The following SAMD15 variants were observed in gnomAD, a reference collection of about 807,000 sequenced individuals.
SAMD15 encodes the protein sterile alpha motif domain containing 15, also known as sterile alpha motif domain-containing protein 15.
In SAMD15, 37 loss-of-function variants were observed where a neutral mutation model predicts 50.5. The ratio of observed to expected loss-of-function variants is 0.73; its 90% CI spans 0.56 to 0.96. SAMD15 has a LOEUF of 0.96. Ranked by LOEUF, SAMD15 falls within the 40% of genes least tolerant of loss-of-function variation. SAMD15 has a pLI of 0.00. For synonymous variants in SAMD15, 255 were observed against 282.8 expected, an observed-to-expected ratio of 0.90 and a Z score of 0.99; for missense variants, 789 against 783.8, an observed-to-expected ratio of 1.01 and a Z score of -0.08.
Position 77,378,235 on chromosome 14 carries a change from A to G in SAMD15, c.817A>G (p.Ser273Gly). ...TCTGGAGAAGGAACCAAGAAAGTCT[A>G]GTGAGGAGGCAGGTCTAGAGCCTCC... ...EFLEKEPRKS[S>G]EEAGLEPPEE... Residue 273 changes from serine to glycine, a missense_variant, in exon 1 of 3, where the codon AGT (serine) becomes GGT (glycine). This residue lies in a region of SAMD15 where 770 missense variants were observed against 745.4 expected (regional missense o/e 1.03). Transcript: ENST00000216471. 6.2e-7 allele frequency: 1 copy of G among 1,614,030 alleles called. No individual in the cohort carries two copies. The highest frequency in any genetic ancestry group is 8.5e-7 in the Non-Finnish European group (1 of 1,179,980).
In SAMD15 at chr14:77,377,908, C is replaced by A. The variant is rs1194128077; in HGVS notation, c.490C>A (p.Pro164Thr). The change falls in exon 1 of 3, where the codon CCA becomes ACA. Residue 164 changes from proline to threonine, a missense_variant. By Grantham distance (38) the Pro-to-Thr change is conservative. Transcript: ENST00000216471. ...GGAAACAGATCCAGATCCAGTGCCA[C>A]CAACGGAAACCATGTCTGAGGTTTC... ...AMETDPDPVP[P>T]TETMSEVSGA... 6.2e-7 allele frequency: 1 copy of A among 1,613,996 alleles called. No individual in the cohort carries two copies. Among genetic ancestry groups the A allele is most frequent in the African/African-American group, 1.3e-5 (1 of 74,990 alleles).
Position 77,383,235 on chromosome 14 carries a change from G to A in SAMD15, c.1788+2754G>A, listed in dbSNP as rs545660631. On this transcript the variant is annotated intron_variant, in intron 2 of 2. Coordinates refer to ENST00000216471, the MANE Select transcript of SAMD15 (RefSeq NM_001010860.4). Reference sequence around the variant, plus strand: ...TGACTTTCTTAATAAACTTGCTTTCGCTTAAAAAAATAATAATAATAAGGA... The same window carrying A: ...TGACTTTCTTAATAAACTTGCTTTCACTTAAAAAAATAATAATAATAAGGA... 3.8e-4 allele frequency among the ~76,000 whole-genome samples: 58 copies of A among 152,040 alleles called. 2 individuals carry two copies. The South Asian group carries it at 9.5e-3, about 25-fold the overall frequency.
At position 77,378,274 on chromosome 14, in the gene SAMD15, C is replaced by T; in HGVS notation, c.856C>T (p.Pro286Ser). Residue 286 changes from proline to serine, a missense_variant, in exon 1 of 3, where the codon CCA (proline) becomes TCA (serine). Physicochemically the swap from Pro to Ser is moderately conservative, Grantham distance 74. Around this residue, in one of 2 missense-constraint regions of SAMD15, gnomAD observed 770 missense variants for 745.4 expected, o/e 1.03. Transcript: ENST00000216471. ...AGLEPPEETQ[P>S]EVPEEMQRKA... ...TCTAGAGCCTCCAGAAGAGACTCAA[C>T]CAGAGGTTCCAGAGGAGATGCAAAG... is the stretch of plus-strand genomic sequence containing the variant. The T allele has an allele frequency of 6.2e-7, 1 of 1,612,296 alleles. No homozygotes were observed. The highest frequency in any genetic ancestry group is 8.5e-7 in the Non-Finnish European group (1 of 1,179,646).
intron 2 of SAMD15, among the ~76,000 whole-genome samples, chr14:77,389,709 G>A (rs1020665029): frequency 6.6e-6 from 1 of 151,468 alleles, no homozygotes; most frequent in East Asian, 2.0e-4. Context: ...CCATGTTAGC[G>A]AGGATGGTCT....
At position 77,378,263 on chromosome 14, in the gene SAMD15, A is replaced by G; in HGVS notation, c.845A>G (p.Glu282Gly). 1 of 1,613,768 alleles carries G rather than the reference A, an allele frequency of 6.2e-7. No homozygotes were observed. The highest frequency in any genetic ancestry group is 8.5e-7 in the Non-Finnish European group (1 of 1,179,958). ...GAGGAGGCAGGTCTAGAGCCTCCAG[A>G]AGAGACTCAACCAGAGGTTCCAGAG... Reference protein sequence around the residue: ...SSEEAGLEPPEETQPEVPEEM... With the variant: ...SSEEAGLEPPGETQPEVPEEM... The change falls in exon 1 of 3, where the codon GAA becomes GGA. Residue 282 changes from glutamate (E) to glycine (G), a missense_variant. Glu to Gly is a moderately conservative substitution (Grantham distance 98). Transcript: ENST00000216471.
intron 2 of SAMD15, among the ~76,000 whole-genome samples, chr14:77,382,389 C>T (rs1402596288): frequency 6.6e-6 from 1 of 152,170 alleles, no homozygotes; most frequent in Non-Finnish European, 1.5e-5. Flanking sequence ...TCTCAAAATG[C>T]TGGGACTACA....
Position 77,391,985 on chromosome 14 carries a change from CAG to C in SAMD15, c.*744_*745del, listed in dbSNP as rs1246562645. Reference sequence around the variant, plus strand: ...AGAAGAATCATTTGAACCCAGGAAACAGAGGTTATAGTGAGCTGAGATGGTGC... The same window carrying C: ...AGAAGAATCATTTGAACCCAGGAAACAGGTTATAGTGAGCTGAGATGGTGC... On this transcript the variant is annotated 3_prime_UTR_variant, in exon 3 of 3. Coordinates refer to ENST00000216471, the MANE Select transcript of SAMD15 (RefSeq NM_001010860.4). Among the ~76,000 whole-genome samples the C allele has an allele frequency of 6.6e-6, 1 of 152,090 alleles. No homozygotes were observed. The highest frequency in any genetic ancestry group is 2.4e-5 in the African/African-American group (1 of 41,426).
chr14:77,377,614 G>C lies in SAMD15; in HGVS notation c.196G>C (p.Glu66Gln), dbSNP rs1893859425. ...QPETEEEDFK[E>Q]GEPDSAKNVQ... ...AGAGACCGAGGAAGAGGACTTCAAAGAGGGGGAGCCAGACAGTGCTAAGAA... is the reference window on the plus strand; with the variant it reads ...AGAGACCGAGGAAGAGGACTTCAAACAGGGGGAGCCAGACAGTGCTAAGAA... The change falls in exon 1 of 3, where the codon GAG becomes CAG. Residue 66 changes from glutamate to glutamine, a missense_variant. Around this residue, in one of 2 missense-constraint regions of SAMD15, gnomAD observed 770 missense variants for 745.4 expected, o/e 1.03. Coordinates refer to ENST00000216471, the MANE Select transcript of SAMD15 (RefSeq NM_001010860.4). The C allele has an allele frequency of 6.2e-7, 1 of 1,614,188 alleles. No individual in the cohort carries two copies. Among genetic ancestry groups the C allele is most frequent in the South Asian group, 1.1e-5 (1 of 91,082 alleles).
At chr14:77,380,606 T>C (rs1893933309) in intron 2 of SAMD15, 125 bp downstream of exon 2, 2 of 640,964 alleles carry the variant, frequency 3.1e-6, no homozygotes, top group Non-Finnish European at 5.6e-6. Context: ...TAATTCCAGT[T>C]CCTCAGGCTC....
intron 2 of SAMD15, among the ~76,000 whole-genome samples, chr14:77,383,976 T>TA (rs1893975966): frequency 2.7e-5 from 1 of 37,478 alleles, no homozygotes; most frequent in Non-Finnish European, 4.0e-5. Context: ...AGACTCAGTC[T>TA]CAAAAAAAAA....
chr14:77,391,317 T>G lies in SAMD15; in HGVS notation c.*73T>G. 3 of 1,022,020 alleles carry G rather than the reference T, an allele frequency of 2.9e-6. No homozygotes were observed. Among genetic ancestry groups the G allele is most frequent in the Non-Finnish European group, 4.4e-6 (3 of 683,324 alleles). 63.3% of individuals were successfully genotyped at this position (1,022,020 alleles called of 1,614,324 possible). A position where few individuals can be genotyped will look rare whatever the true frequency, so the allele number is the denominator to read the frequency against. ...GGGAAGAGGTATGGTCTTTTTTGGT[T>G]TTCTTTTTCTCCTTTTTTTTTTTTT... On this transcript the variant is annotated 3_prime_UTR_variant, in exon 3 of 3. Coordinates refer to ENST00000216471, the MANE Select transcript of SAMD15 (RefSeq NM_001010860.4).
chr14:77,378,571 C>T lies in SAMD15; in HGVS notation c.1153C>T (p.Gln385Ter). ...PPEETGPVLPQEINPQVEEKT... is the reference protein window; with the variant it reads ...PPEETGPVLP The stretch of plus-strand genomic sequence containing the variant: ...AGAGGAGACTGGTCCAGTGCTACCA[C>T]AGGAGATCAACCCACAAGTTGAAGA... Residue 385 changes from glutamine (Q) to a stop codon, truncating the protein, a stop_gained, in exon 1 of 3, where the codon CAG (glutamine) becomes TAG (stop). Transcript: ENST00000216471. LOFTEE classifies it high-confidence loss of function. 1 of 1,613,466 alleles carries T rather than the reference C, an allele frequency of 6.2e-7. No individual in the cohort carries two copies. The highest frequency in any genetic ancestry group is 1.7e-5 in the Admixed American group (1 of 59,836).
chr14:77,379,116 A>C lies in SAMD15; in HGVS notation c.1689+9A>C. The C allele has an allele frequency of 6.2e-7, 1 of 1,605,508 alleles. No individual in the cohort carries two copies. Among genetic ancestry groups the C allele is most frequent in the Non-Finnish European group, 8.5e-7 (1 of 1,176,144 alleles). ...GCTTCCCTCAATACAAGGTATACAA[A>C]AATAAGATGTTTTGAAATCACATGC... On this transcript the variant is annotated intron_variant, in intron 1 of 2. Transcript: ENST00000216471.
rs1185018667 is a variant in SAMD15 at position 77,391,070 on chromosome 14, C to T, written c.1851C>T (p.Ile617=). ...AAGAGCCATTATTCAAACGCTCCATCAGCCTTCCCTATAGGGATATTATCG... is the reference window on the plus strand; with the variant it reads ...AAGAGCCATTATTCAAACGCTCCATTAGCCTTCCCTATAGGGATATTATCG... ...EIEEPLFKRS[I]SLPYRDIIGL... The change falls in exon 3 of 3, where the codon ATC becomes ATT. Residue 617 remains isoleucine (I), a synonymous_variant. Transcript: ENST00000216471. 1.2e-6 allele frequency: 2 copies of T among 1,614,092 alleles called. No individual in the cohort carries two copies. The highest frequency in any genetic ancestry group is 1.7e-6 in the Non-Finnish European group (2 of 1,179,970).
chr14:77,379,191 T>C, intron 1 of SAMD15, 84 bp downstream of exon 1: 1 of 1,281,398 alleles, frequency 7.8e-7, no homozygotes, highest in South Asian at 1.4e-5. Flanking sequence ...AGCTCTTACC[T>C]CTTTACCGGA....
Position 77,386,257 on chromosome 14 carries a change from C to G in SAMD15, c.1789-4751C>G, listed in dbSNP as rs151236605. On this transcript the variant is annotated intron_variant, in intron 2 of 2. Coordinates refer to ENST00000216471, the MANE Select transcript of SAMD15 (RefSeq NM_001010860.4). ...ATGCATGCACTCATGTATCCACCAC[C>G]AAAGAACCATACAGAACAATTCTGT... 8.8e-3 allele frequency among the ~76,000 whole-genome samples: 1,336 copies of G among 152,236 alleles called. 19 individuals are homozygous for G. The highest frequency in any genetic ancestry group is 0.037 in the South Asian group (179 of 4,814).
chr14:77,377,588 C>T lies in SAMD15; in HGVS notation c.170C>T (p.Pro57Leu), dbSNP rs775931520. 1.4e-5 allele frequency: 22 copies of T among 1,613,988 alleles called. No individual in the cohort carries two copies. The East Asian group carries it at 4.9e-4, about 36-fold the overall frequency. Residue 57 changes from proline to leucine, a missense_variant, in exon 1 of 3, where the codon CCA (proline) becomes CTA (leucine). Around this residue, in one of 2 missense-constraint regions of SAMD15, gnomAD observed 770 missense variants for 745.4 expected, o/e 1.03. Coordinates refer to ENST00000216471, the MANE Select transcript of SAMD15 (RefSeq NM_001010860.4). ...GCAGAGATTTACCAAGAGCCACAGCCAGAGACCGAGGAAGAGGACTTCAAA... is the reference window on the plus strand; with the variant it reads ...GCAGAGATTTACCAAGAGCCACAGCTAGAGACCGAGGAAGAGGACTTCAAA... Reference protein sequence around the residue: ...LPAEIYQEPQPETEEEDFKEG... With the variant: ...LPAEIYQEPQLETEEEDFKEG...
chr14:77,384,632 C>T (rs1893983986), intron 2 of SAMD15, among the ~76,000 whole-genome samples: 1 of 151,844 alleles, frequency 6.6e-6, no homozygotes, highest in Non-Finnish European at 1.5e-5. Flanking sequence ...ATATAAGTTG[C>T]TTCGGACTCA....
chr14:77,379,126 T>C lies in SAMD15; in HGVS notation c.1689+19T>C, dbSNP rs1893912138. 2.5e-6 allele frequency: 4 copies of C among 1,601,688 alleles called. No homozygotes were observed. The highest frequency in any genetic ancestry group is 1.1e-5 in the South Asian group (1 of 89,492). On this transcript the variant is annotated intron_variant, in intron 1 of 2. Transcript: ENST00000216471. ...ATACAAGGTATACAAAAATAAGATG[T>C]TTTGAAATCACATGCTGTCATCCGT...
Sources: gnomAD v4.1 joint callset for allele counts (sites outside exome capture counted in the v4.1 genomes callset) on GRCh38, gnomAD v4.1.1 for gene constraint, gnomAD v4.1.1 regional missense constraint, MANE v1.5 for transcripts, NCBI Gene and HGNC (gene_info 2026-07-23, HGNC 2026-07-21) for gene names.